GRM7: variants seen among roughly 807,000 people sequenced by gnomAD.
The protein encoded by GRM7 is glutamate metabotropic receptor 7.
A neutral mutation model predicts 84.5 loss-of-function variants in GRM7; 35 were observed. That is an observed-to-expected ratio of 0.41 (90% CI 0.32 to 0.55). The LOEUF is 0.55. GRM7 is among the 20% of genes least tolerant of loss of function. The probability of loss-of-function intolerance (pLI) is 0.19; values close to 1 mark genes in which losing one functional copy is unlikely to be tolerated. For missense variants in GRM7, 1,003 were observed against 1,194.6 expected, an observed-to-expected ratio of 0.84 and a Z score of 2.36; for synonymous variants, 487 against 455.1, an observed-to-expected ratio of 1.07 and a Z score of -0.89.
chr3:7,089,877 C>G (rs1490929449), intron 1 of GRM7, among the ~76,000 whole-genome samples: 1 of 152,116 alleles, frequency 6.6e-6, no homozygotes, highest in Non-Finnish European at 1.5e-5. Flanking sequence ...GAGTCTCCCT[C>G]TGTCACCCAG....
intron 1 of GRM7, among the ~76,000 whole-genome samples, chr3:6,890,652 G>C (rs1009613438): frequency 7.2e-5 from 11 of 152,152 alleles, no homozygotes; most frequent in Admixed American, 4.6e-4. Context: ...TTACTTCCAA[G>C]TATGTGGTCA....
chr3:7,185,322 G>A (rs1448406887), intron 2 of GRM7, among the ~76,000 whole-genome samples: 1 of 152,052 alleles, frequency 6.6e-6, no homozygotes, highest in Non-Finnish European at 1.5e-5. Flanking sequence ...GAAGTGATGG[G>A]GTTTTTTTGG....
At chr3:6,902,696 G>A (rs1027183586) in intron 1 of GRM7, among the ~76,000 whole-genome samples, 86 of 152,192 alleles carry the variant, frequency 5.7e-4, no homozygotes, top group Middle Eastern at 3.4e-3. Context: ...AGCCAGATCT[G>A]CAGACTATTA....
intron 7 of GRM7, among the ~76,000 whole-genome samples, chr3:7,525,511 G>C (rs969060918): frequency 2.6e-5 from 4 of 152,034 alleles, no homozygotes; most frequent in Non-Finnish European, 4.4e-5. Flanking sequence ...CCATCACAGA[G>C]CCTGGCTGGG....
rs1350556684 is a variant in GRM7, at chr3:7,305,620, AG to A, written c.879-877del. ...GTGTTTGGTTTTTTGTTCTTGCGAT[AG>A]TTTACTGAGAATGATTTTTTTCTTT... On this transcript the variant is annotated intron_variant, in intron 3 of 9. Coordinates refer to ENST00000357716, the MANE Select transcript of GRM7 (RefSeq NM_000844.4). 4.6e-4 allele frequency among the ~76,000 whole-genome samples: 21 copies of A among 45,596 alleles called. 2 individuals are homozygous for A. Among genetic ancestry groups the A allele is most frequent in the Non-Finnish European group, 9.9e-4 (11 of 11,156 alleles). 29.9% of individuals were successfully genotyped at this position (45,596 alleles called of 152,430 possible).
intron 7 of GRM7, among the ~76,000 whole-genome samples, chr3:7,554,080 T>A (rs1693633274): frequency 6.6e-6 from 1 of 152,214 alleles, no homozygotes; most frequent in Non-Finnish European, 1.5e-5. Flanking sequence ...GAAGCAAAGC[T>A]ATGACGAAGC....
In GRM7 at chr3:7,277,636, T is replaced by C. The variant is rs909123606; in HGVS notation, c.737-21048T>C. Among the ~76,000 whole-genome samples the C allele has an allele frequency of 9.8e-5, 15 of 152,318 alleles. 4 individuals are homozygous for C. Among genetic ancestry groups the C allele is most frequent in the Admixed American group, 2.0e-4 (3 of 15,296 alleles). On this transcript the variant is annotated intron_variant, in intron 2 of 9. Transcript: ENST00000357716. ...CCTATTTCCTTTCTTACACATTTTC[T>C]TCTTTTTAATTTGTTCATTCTCATG...
chr3:7,483,149 T>C (rs1699196639), intron 7 of GRM7, among the ~76,000 whole-genome samples: 1 of 152,198 alleles, frequency 6.6e-6, no homozygotes, highest in African/African-American at 2.4e-5. Flanking sequence ...CCAAGTTGTA[T>C]TGTAAATACT....
rs528409220 is a variant in GRM7, at chr3:7,336,851, C to T, written c.1033+30199C>T. The stretch of plus-strand genomic sequence containing the variant: ...ATGCCTAACCAAGGAGGCGAAAGAT[C>T]TCTACAAGGAAAACTACAAAACACT... On this transcript the variant is annotated intron_variant, in intron 4 of 9. Transcript: ENST00000357716. Among the ~76,000 whole-genome samples the T allele has an allele frequency of 5.9e-5, 9 of 151,814 alleles. No homozygotes were observed. In the East Asian group the frequency reaches 1.7e-3, roughly 29 times the overall value.
At chr3:7,081,060 C>T (rs1698260222) in intron 1 of GRM7, among the ~76,000 whole-genome samples, 2 of 151,980 alleles carry the variant, frequency 1.3e-5, no homozygotes, top group Admixed American at 6.6e-5. Flanking sequence ...AGCTTCTCCC[C>T]CCTTGTTGTC....
chr3:6,995,250 T>C (rs1031526819), intron 1 of GRM7, among the ~76,000 whole-genome samples: 1 of 152,256 alleles, frequency 6.6e-6, no homozygotes, highest in Non-Finnish European at 1.5e-5. Context: ...TTAAATATTT[T>C]CAGCTTTGTA....
intron 2 of GRM7, among the ~76,000 whole-genome samples, chr3:7,297,715 C>G (rs936405330): frequency 3.3e-5 from 5 of 152,190 alleles, no homozygotes; most frequent in African/African-American, 1.2e-4. Context: ...ACAAATATCT[C>G]CTAAACACAT....
intron 4 of GRM7, among the ~76,000 whole-genome samples, chr3:7,320,399 T>C (rs1700733357): frequency 1.3e-5 from 2 of 152,010 alleles, no homozygotes; most frequent in Admixed American, 6.6e-5. Flanking sequence ...TGTGGAGAAG[T>C]ATGATTGGAC....
At chr3:7,587,099 A>G (rs1055355199) in intron 8 of GRM7, among the ~76,000 whole-genome samples, 1 of 152,114 alleles carries the variant, frequency 6.6e-6, no homozygotes, top group African/African-American at 2.4e-5. Context: ...AAATTGATCA[A>G]TTTGCATACT....
At chr3:6,999,713 A>C (rs1694944904) in intron 1 of GRM7, among the ~76,000 whole-genome samples, 1 of 152,196 alleles carries the variant, frequency 6.6e-6, no homozygotes, top group South Asian at 2.1e-4. Context: ...AGCAAGGAGA[A>C]GTGCAGAGTG....
intron 7 of GRM7, among the ~76,000 whole-genome samples, chr3:7,572,060 C>G (rs1575508348): frequency 6.6e-6 from 1 of 152,176 alleles, no homozygotes; most frequent in Non-Finnish European, 1.5e-5. Flanking sequence ...TCACGTTCCT[C>G]CCATGACACA....
rs780227249 is a variant in GRM7 at position 7,212,060 on chromosome 3, C to T, written c.736+65392C>T. Among the ~76,000 whole-genome samples the T allele has an allele frequency of 4.6e-5, 7 of 152,020 alleles. No individual in the cohort carries two copies. In the East Asian group the frequency reaches 7.7e-4, roughly 17 times the overall value. On this transcript the variant is annotated intron_variant, in intron 2 of 9. Transcript: ENST00000357716. Reference sequence around the variant, plus strand: ...TCCCTTACCAAACCACCTCCTCAGCCTTTACTTCACTGACACCAAAATTCT... The same window carrying T: ...TCCCTTACCAAACCACCTCCTCAGCTTTTACTTCACTGACACCAAAATTCT...
intron 7 of GRM7, among the ~76,000 whole-genome samples, chr3:7,562,247 G>T (rs1159313148): frequency 6.6e-6 from 1 of 151,990 alleles, no homozygotes; most frequent in African/African-American, 2.4e-5. Context: ...TGGAGAAACA[G>T]TATGCCAGTC....
intron 2 of GRM7, among the ~76,000 whole-genome samples, chr3:7,196,225 T>G (rs1695874383): frequency 6.6e-6 from 1 of 152,166 alleles, no homozygotes; most frequent in Non-Finnish European, 1.5e-5. Flanking sequence ...GAAGAGTTTT[T>G]TGTGCTATTC....
Sources: allele counts gnomAD v4.1 joint callset (sites outside exome capture counted in the v4.1 genomes callset), GRCh38; gene constraint gnomAD v4.1.1; transcripts MANE v1.5; gene names NCBI Gene and HGNC (gene_info 2026-07-23, HGNC 2026-07-21).